Variants in ROBO2 observed in about 807,000 individuals in gnomAD.
ROBO2 encodes roundabout guidance receptor 2.
A neutral mutation model predicts 160.8 loss-of-function variants in ROBO2; 53 were observed. The ratio of observed to expected loss-of-function variants is 0.33; its 90% CI spans 0.26 to 0.41. The LOEUF is 0.41. Among genes scored for constraint, ROBO2 ranks in the 10% least tolerant of loss-of-function variants. The probability of loss-of-function intolerance (pLI) is 1.00; values close to 1 mark genes in which losing one functional copy is unlikely to be tolerated. For synonymous variants in ROBO2, 664 were observed against 611.7 expected (o/e 1.09, Z -1.26); for missense variants, 1,577 against 1,722.4 (o/e 0.92, Z 1.49).
At chr3:77,604,799 T>G (rs931793560) in intron 20 of ROBO2, among the ~76,000 whole-genome samples, 3 of 152,154 alleles carry the variant, frequency 2.0e-5, no homozygotes, top group Non-Finnish European at 4.4e-5. Context: ...TATAAGATTT[T>G]CTTAATTTGT....
At chr3:76,646,608 T>G (rs1185977456) in intron 2 of ROBO2, among the ~76,000 whole-genome samples, 1 of 152,164 alleles carries the variant, frequency 6.6e-6, no homozygotes, top group Admixed American at 6.5e-5. Flanking sequence ...TTTAGCACAA[T>G]TCCTAACACA....
At chr3:75,916,258 G>A (rs1297727095) in intron 1 of ROBO2, among the ~76,000 whole-genome samples, 3 of 152,128 alleles carry the variant, frequency 2.0e-5, no homozygotes, top group Non-Finnish European at 4.4e-5. Flanking sequence ...CAAACTAATA[G>A]CTTTTTTCTT....
At chr3:77,551,072 T>C in intron 8 of ROBO2, 83 bp downstream of exon 9, 1 of 1,444,420 alleles carries the variant, frequency 6.9e-7, no homozygotes, top group South Asian at 1.2e-5. Context: ...AGTTTGCTGA[T>C]TTGTTAAATC....
chr3:77,138,890 A>T (rs4077419), intron 2 of ROBO2, among the ~76,000 whole-genome samples: 3 of 151,876 alleles, frequency 2.0e-5, no homozygotes, highest in Admixed American at 6.6e-5. Flanking sequence ...TGAGATTGGA[A>T]GTGTCTAGCT....
At chr3:76,078,475 C>T (rs1257013996) in intron 2 of ROBO2, among the ~76,000 whole-genome samples, 3 of 152,128 alleles carry the variant, frequency 2.0e-5, no homozygotes, top group Non-Finnish European at 4.4e-5. Flanking sequence ...AAGCAATCCT[C>T]CTGCCTCAGC....
intron 2 of ROBO2, among the ~76,000 whole-genome samples, chr3:77,395,376 A>T (rs965402733): frequency 4.6e-5 from 7 of 152,176 alleles, no homozygotes; most frequent in Non-Finnish European, 8.8e-5. Context: ...ATGTTACTTT[A>T]TTAAAAATTG....
chr3:76,807,376 T>C (rs965145881), intron 2 of ROBO2, among the ~76,000 whole-genome samples: 1 of 152,076 alleles, frequency 6.6e-6, no homozygotes, highest in Non-Finnish European at 1.5e-5. Context: ...CAAATATCTC[T>C]TTATAAATGC....
At chr3:76,196,216 A>G (rs982602695) in intron 2 of ROBO2, among the ~76,000 whole-genome samples, 9 of 152,138 alleles carry the variant, frequency 5.9e-5, no homozygotes, top group Admixed American at 2.0e-4. Flanking sequence ...TCAATGGTGC[A>G]AGCTGCAGTA....
Position 77,265,880 on chromosome 3 carries a change from G to A in ROBO2, c.388+167540G>A, listed in dbSNP as rs148372290. On this transcript the variant is annotated intron_variant, in intron 2 of 25. Transcript: ENST00000461745. ...TTTTACATCAATAGACTACTTTGGA[G>A]TATTTAAAGAAATGCATAGGGTTTA... Among the ~76,000 whole-genome samples, 1,003 of 152,264 alleles carry A rather than the reference G, an allele frequency of 6.6e-3. 20 individuals carry two copies. The highest frequency in any genetic ancestry group is 6.8e-3 in the Non-Finnish European group (461 of 68,002).
At chr3:77,433,142 G>T (rs2078946196) in intron 2 of ROBO2, among the ~76,000 whole-genome samples, 1 of 151,988 alleles carries the variant, frequency 6.6e-6, no homozygotes, top group Non-Finnish European at 1.5e-5. Flanking sequence ...CCCTGATCAG[G>T]ATGGGTCTTG....
At chr3:77,280,958 C>T (rs960943844) in intron 2 of ROBO2, among the ~76,000 whole-genome samples, 1 of 152,158 alleles carries the variant, frequency 6.6e-6, no homozygotes, top group Non-Finnish European at 1.5e-5. Flanking sequence ...CAGGTGACAC[C>T]TGAACAGAGT....
intron 2 of ROBO2, among the ~76,000 whole-genome samples, chr3:76,436,876 C>T (rs1165260319): frequency 6.6e-6 from 1 of 152,152 alleles, no homozygotes. Context: ...TGCTCTGGCT[C>T]AGACAAGCAA....
chr3:77,159,960 C>A (rs1418556840), intron 2 of ROBO2, among the ~76,000 whole-genome samples: 1 of 151,948 alleles, frequency 6.6e-6, no homozygotes, highest in African/African-American at 2.4e-5. Context: ...TTTAGAAGTT[C>A]TTTGTTTCTT....
At chr3:76,902,548 C>T (rs1263402493) in intron 2 of ROBO2, among the ~76,000 whole-genome samples, 1 of 151,970 alleles carries the variant, frequency 6.6e-6, no homozygotes, top group Non-Finnish European at 1.5e-5. Context: ...ACATACTTTG[C>T]TTTTCAGTTG....
At position 77,635,102 on chromosome 3, in the gene ROBO2, T is replaced by C. The variant is rs115855542; in HGVS notation, c.3934+59T>C. 1,284 of 1,558,054 alleles carry C rather than the reference T, an allele frequency of 8.2e-4. 13 individuals are homozygous for C. The African/African-American group carries it at 0.016, about 19-fold the overall frequency. Reference sequence around the variant, plus strand: ...TGAAGAGACGTGCTCCATGCAATCATTTACTTAGATTAATGTAGTCATGGT... The same window carrying C: ...TGAAGAGACGTGCTCCATGCAATCACTTACTTAGATTAATGTAGTCATGGT... On this transcript the variant is annotated intron_variant, in intron 24 of 25. Coordinates refer to ENST00000461745, the Ensembl canonical transcript of ROBO2.
rs144862599 is a variant in ROBO2, at chr3:77,360,056, C to T, written c.389-117358C>T. Among the ~76,000 whole-genome samples, 522 of 152,258 alleles carry T rather than the reference C, an allele frequency of 3.4e-3. 5 individuals are homozygous for T. Among genetic ancestry groups the T allele is most frequent in the African/African-American group, 0.012 (506 of 41,570 alleles). On this transcript the variant is annotated intron_variant, in intron 2 of 25. Transcript: ENST00000461745. ...GTGTAGAAGTTGAAGTACTAAATCT[C>T]TGCTGTGTTCCAGCATTGCTAGGGA...
chr3:77,127,313 C>G (rs1012592764), intron 2 of ROBO2, among the ~76,000 whole-genome samples: 2 of 152,150 alleles, frequency 1.3e-5, no homozygotes, highest in Non-Finnish European at 2.9e-5. Flanking sequence ...ATCTTGCGCA[C>G]AGTTGTCCTT....
At chr3:77,317,176 G>C in intron 2 of ROBO2, 1 of 928,264 alleles carries the variant, frequency 1.1e-6, no homozygotes, top group South Asian at 1.3e-5. Context: ...CCTGTAACCC[G>C]GCACTAGAGC....
chr3:76,180,684 A>G (rs1189033717), intron 2 of ROBO2, among the ~76,000 whole-genome samples: 1 of 152,092 alleles, frequency 6.6e-6, no homozygotes, highest in Admixed American at 6.6e-5. Context: ...TTTCTTCACA[A>G]CCATTTCACT....
Sources: gnomAD v4.1 joint callset for allele counts (sites outside exome capture counted in the v4.1 genomes callset) on GRCh38, gnomAD v4.1.1 for gene constraint, MANE v1.5 for transcripts, NCBI Gene and HGNC (gene_info 2026-07-23, HGNC 2026-07-21) for gene names.